Variants in PIGL observed in about 807,000 individuals in gnomAD.
The protein encoded by PIGL is phosphatidylinositol glycan anchor biosynthesis class L.
A neutral mutation model predicts 31.1 loss-of-function variants in PIGL; 22 were observed. The observed-to-expected ratio is 0.71, with a 90% CI of 0.51 to 1.01. The LOEUF (loss-of-function observed/expected upper bound fraction) is 1.01. Among genes scored for constraint, PIGL ranks in the 50% least tolerant of loss-of-function variants. PIGL has a pLI of 0.00. For synonymous variants in PIGL, 131 were observed against 117.4 expected (o/e 1.12, Z -0.75); for missense variants, 302 against 315.9 (o/e 0.96, Z 0.33).
At chr17:16,306,929 G>A (rs1289967618) in intron 3 of PIGL, among the ~76,000 whole-genome samples, 1 of 152,178 alleles carries the variant, frequency 6.6e-6, no homozygotes, top group Non-Finnish European at 1.5e-5. Flanking sequence ...GCTACTAATG[G>A]TAAGGCTCGG....
At chr17:16,321,853 C>T (rs1006216937) in intron 6 of PIGL, among the ~76,000 whole-genome samples, 6 of 151,692 alleles carry the variant, frequency 4.0e-5, no homozygotes, top group African/African-American at 7.3e-5. Flanking sequence ...GGTGCAATCT[C>T]GGCTCACCTC....
At chr17:16,314,089 T>C (rs1696278804) in intron 4 of PIGL, among the ~76,000 whole-genome samples, 1 of 152,234 alleles carries the variant, frequency 6.6e-6, no homozygotes, top group South Asian at 2.1e-4. Context: ...ATACATAATA[T>C]GAAATGTGTT....
At chr17:16,258,883 A>C in intron 2 of PIGL, among the ~76,000 whole-genome samples, 1 of 152,176 alleles carries the variant, frequency 6.6e-6, no homozygotes, top group East Asian at 1.9e-4. Context: ...GGGACCAAAA[A>C]CTTTGTATAT....
chr17:16,266,184 G>T (rs1400427089), intron 2 of PIGL, among the ~76,000 whole-genome samples: 1 of 151,944 alleles, frequency 6.6e-6, no homozygotes, highest in African/African-American at 2.4e-5. Context: ...GGAGGCTGAG[G>T]CAGGCGGATC....
At chr17:16,246,860 T>C (rs1354697382) in intron 2 of PIGL, among the ~76,000 whole-genome samples, 1 of 150,064 alleles carries the variant, frequency 6.7e-6, no homozygotes, top group Non-Finnish European at 1.5e-5. Flanking sequence ...TAATTTTTTT[T>C]GTATTTTTTT....
intron 2 of PIGL, among the ~76,000 whole-genome samples, chr17:16,257,306 A>T (rs893517089): frequency 2.0e-5 from 3 of 151,988 alleles, no homozygotes; most frequent in Admixed American, 1.3e-4. Flanking sequence ...AATCCCAGCT[A>T]CTCAGGAGGC....
At position 16,305,058 on chromosome 17, in the gene PIGL, A is replaced by C. The variant is rs79937061; in HGVS notation, c.426+5080A>C. ...TTCCAACACTTTGGGAGGCTCAAGCAGGGGGTGGATTGCTTGAGACCAGCC... is the reference window on the plus strand; with the variant it reads ...TTCCAACACTTTGGGAGGCTCAAGCCGGGGGTGGATTGCTTGAGACCAGCC... On this transcript the variant is annotated intron_variant, in intron 3 of 6. Transcript: ENST00000225609. Among the ~76,000 whole-genome samples the C allele has an allele frequency of 7.7e-3, 1,175 of 152,068 alleles. 19 individuals are homozygous for C. The highest frequency in any genetic ancestry group is 0.027 in the African/African-American group (1,133 of 41,484).
intron 3 of PIGL, among the ~76,000 whole-genome samples, chr17:16,306,139 C>T (rs1317499163): frequency 1.3e-5 from 2 of 151,978 alleles, no homozygotes; most frequent in African/African-American, 2.4e-5. Context: ...TTAGTAGACA[C>T]GGGGTTTCAC....
chr17:16,246,670 G>GTTTTTTTTTTTTTTTTTTT (rs1284256034), intron 2 of PIGL, among the ~76,000 whole-genome samples: 1 of 106,536 alleles, frequency 9.4e-6, no homozygotes, highest in African/African-American at 3.5e-5. Flanking sequence ...CCAGATCAAG[G>GTTTTTTTTTTTTTTTTTTT]TCTTTTTTTT....
At chr17:16,325,664 A>G (rs995085778) in intron 6 of PIGL, 136 bp from the exon 7 acceptor site, 11 of 675,702 alleles carry the variant, frequency 1.6e-5, no homozygotes, top group Non-Finnish European at 2.6e-5. Context: ...CGTGGGTTAC[A>G]GGAAGAAGAC....
intron 1 of PIGL, among the ~76,000 whole-genome samples, chr17:16,220,477 G>GTTTTTTTTTTTTT (rs1171079537): frequency 2.9e-5 from 2 of 70,054 alleles, no homozygotes; most frequent in African/African-American, 1.0e-4. Context: ...TTTTTAAATT[G>GTTTTTTTTTTTTT]TTATTTTTTT....
chr17:16,290,192 C>A (rs972578957), intron 2 of PIGL, among the ~76,000 whole-genome samples: 2 of 151,750 alleles, frequency 1.3e-5, no homozygotes, highest in African/African-American at 4.8e-5. Flanking sequence ...AAGGGATTCT[C>A]CTGCCTCAGC....
intron 3 of PIGL, among the ~76,000 whole-genome samples, chr17:16,301,580 T>C (rs960488838): frequency 4.0e-5 from 6 of 148,156 alleles, no homozygotes; most frequent in African/African-American, 1.5e-4. Flanking sequence ...ATTTTTTTTT[T>C]TTTTTTTTTG....
intron 2 of PIGL, among the ~76,000 whole-genome samples, chr17:16,260,016 C>G (rs1600791468): frequency 6.6e-6 from 1 of 152,230 alleles, no homozygotes; most frequent in Non-Finnish European, 1.5e-5. Flanking sequence ...CTGTCGCAAC[C>G]TGCCACAGTG....
intron 2 of PIGL, among the ~76,000 whole-genome samples, chr17:16,296,724 T>C (rs776946326): frequency 3.3e-5 from 5 of 151,256 alleles, no homozygotes; most frequent in Non-Finnish European, 7.4e-5. Flanking sequence ...TGTTTACACA[T>C]TTCTTTACAG....
In PIGL at chr17:16,306,217, G is replaced by A. The variant is rs142753015; in HGVS notation, c.426+6239G>A. 4.3e-4 allele frequency among the ~76,000 whole-genome samples: 65 copies of A among 152,034 alleles called. 2 individuals are homozygous for A. In the East Asian group the frequency reaches 0.011, roughly 27 times the overall value. On this transcript the variant is annotated intron_variant, in intron 3 of 6. Coordinates refer to ENST00000225609, the MANE Select transcript of PIGL (RefSeq NM_004278.4). ...ACCCACCTTGGCCTCCCAAAGTGTC[G>A]GGATTACAGACGTGAGCCACCGCGC...
chr17:16,267,442 A>G (rs935304987), intron 2 of PIGL, among the ~76,000 whole-genome samples: 1 of 152,130 alleles, frequency 6.6e-6, no homozygotes, highest in African/African-American at 2.4e-5. Flanking sequence ...CTTTTGTTGA[A>G]AAAATATCTT....
intron 2 of PIGL, among the ~76,000 whole-genome samples, chr17:16,285,042 T>C (rs2092931477): frequency 6.6e-6 from 1 of 152,094 alleles, no homozygotes; most frequent in South Asian, 2.1e-4. Flanking sequence ...GGTCTTAAAC[T>C]CCTGGCCTCA....
At chr17:16,315,482 G>A (rs117121693) in intron 4 of PIGL, among the ~76,000 whole-genome samples, 1 of 151,772 alleles carries the variant, frequency 6.6e-6, no homozygotes, top group Admixed American at 6.6e-5. Context: ...GTGGCCCCTT[G>A]GTCCCCCTGT....
Sources: allele counts gnomAD v4.1 joint callset (sites outside exome capture counted in the v4.1 genomes callset), GRCh38; gene constraint gnomAD v4.1.1; transcripts MANE v1.5; gene names NCBI Gene and HGNC (gene_info 2026-07-23, HGNC 2026-07-21).